The following CDH4 variants were observed in gnomAD, a reference collection of about 807,000 sequenced individuals.
CDH4 encodes cadherin-4.
In CDH4, 33 loss-of-function variants were observed where a neutral mutation model predicts 86.0. That is an observed-to-expected ratio of 0.38 (90% CI 0.29 to 0.51). The LOEUF is 0.51. Ranked by LOEUF, CDH4 falls within the 20% of genes least tolerant of loss-of-function variation. CDH4 has a pLI of 0.86. For missense variants in CDH4, 1,114 were observed against 1,307.4 expected (o/e 0.85, Z 2.28); for synonymous variants, 555 against 549.4 (o/e 1.01, Z -0.14).
intron 2 of CDH4, among the ~76,000 whole-genome samples, chr20:61,547,122 C>T (rs999565622): frequency 6.6e-6 from 1 of 151,612 alleles, no homozygotes; most frequent in Non-Finnish European, 1.5e-5. Context: ...TCACTGAGTC[C>T]ATCAAACTCC....
intron 6 of CDH4, among the ~76,000 whole-genome samples, chr20:61,863,571 C>T (rs1042354687): frequency 3.3e-5 from 5 of 152,110 alleles, no homozygotes; most frequent in African/African-American, 1.2e-4. Context: ...CTCTGTGGAA[C>T]GGAGCCCTGC....
rs370062506 is a variant in CDH4 at position 61,864,823 on chromosome 20, A to G, written c.878-8905A>G. Among the ~76,000 whole-genome samples the G allele has an allele frequency of 1.4e-4, 21 of 152,276 alleles. No homozygotes were observed. The South Asian group carries it at 3.7e-3, about 27-fold the overall frequency. ...CCTGGTGAGTTCGCTGGGGCCTCCC[A>G]GGGCAAGGCCAAGTGCAGCAGTTGT... On this transcript the variant is annotated intron_variant, in intron 6 of 15. Transcript: ENST00000614565.
chr20:61,505,909 C>T (rs2085737772), intron 2 of CDH4, among the ~76,000 whole-genome samples: 1 of 152,182 alleles, frequency 6.6e-6, no homozygotes. Flanking sequence ...TGGAAAATCT[C>T]TATTGATGTG....
At chr20:61,728,565 C>T (rs919315289) in intron 2 of CDH4, among the ~76,000 whole-genome samples, 1 of 152,108 alleles carries the variant, frequency 6.6e-6, no homozygotes, top group African/African-American at 2.4e-5. Context: ...GGTGGAACCT[C>T]GGGATACGGG....
Position 61,881,491 on chromosome 20 carries a change from G to A in CDH4, c.1050+7591G>A, listed in dbSNP as rs529748354. On this transcript the variant is annotated intron_variant, in intron 7 of 15. Coordinates refer to ENST00000614565, the MANE Select transcript of CDH4 (RefSeq NM_001794.5). ...CAACATGAACCGTGGCCAGGATTACGGCCCCACCTGGCAGCAGCGGCCAAG... is the reference window on the plus strand; with the variant it reads ...CAACATGAACCGTGGCCAGGATTACAGCCCCACCTGGCAGCAGCGGCCAAG... 1.6e-4 allele frequency among the ~76,000 whole-genome samples: 24 copies of A among 152,350 alleles called. No individual in the cohort carries two copies. In the South Asian group the frequency reaches 3.5e-3, roughly 22 times the overall value.
rs2088539339 is a variant in CDH4, at chr20:61,754,729, G to A, written c.396+10940G>A. ...CACACACACCGCACACACACTGCAC[G>A]CCCCGCACACACTATGCACACCACA... On this transcript the variant is annotated intron_variant, in intron 3 of 15. Coordinates refer to ENST00000614565, the MANE Select transcript of CDH4 (RefSeq NM_001794.5). This position sits in a 1 kb window ranked among gnomAD's most constrained non-coding sequence, Gnocchi z 4.7. Among the ~76,000 whole-genome samples the A allele has an allele frequency of 1.4e-5, 2 of 141,270 alleles. No individual in the cohort carries two copies. The highest frequency in any genetic ancestry group is 2.3e-4 in the South Asian group (1 of 4,296). The allele number at this position is 141,270 out of a possible 152,430, so 92.7% of individuals were successfully genotyped here. A position where few individuals can be genotyped will look rare whatever the true frequency, so the allele number is the denominator to read the frequency against.
At chr20:61,503,753 A>G (rs2085720845) in intron 2 of CDH4, among the ~76,000 whole-genome samples, 1 of 152,230 alleles carries the variant, frequency 6.6e-6, no homozygotes, top group South Asian at 2.1e-4. Flanking sequence ...ATAACTAATG[A>G]TATAAATTAC....
At position 61,703,179 on chromosome 20, in the gene CDH4, C is replaced by T. The variant is rs902322263; in HGVS notation, c.170-40384C>T. On this transcript the variant is annotated intron_variant, in intron 2 of 15. Coordinates refer to ENST00000614565, the MANE Select transcript of CDH4 (RefSeq NM_001794.5). This position sits in a 1 kb window ranked among gnomAD's most constrained non-coding sequence, Gnocchi z 4.3. Reference sequence around the variant, plus strand: ...GTGATCAGAAGTGGGGGCTCTTGGACGAGCTCAGAACACACAGGCCTTGGG... The same window carrying T: ...GTGATCAGAAGTGGGGGCTCTTGGATGAGCTCAGAACACACAGGCCTTGGG... 2.0e-5 allele frequency among the ~76,000 whole-genome samples: 3 copies of T among 152,156 alleles called. No homozygotes were observed. Among genetic ancestry groups the T allele is most frequent in the Admixed American group, 1.3e-4 (2 of 15,274 alleles).
At chr20:61,456,679 T>C (rs1230787577) in intron 2 of CDH4, among the ~76,000 whole-genome samples, 3 of 152,200 alleles carry the variant, frequency 2.0e-5, no homozygotes, top group African/African-American at 7.2e-5. Flanking sequence ...TGTAGAAAGA[T>C]CTTGTGCACC....
chr20:61,700,143 C>T (rs2087759741), intron 2 of CDH4, among the ~76,000 whole-genome samples: 1 of 152,176 alleles, frequency 6.6e-6, no homozygotes, highest in African/African-American at 2.4e-5. Context: ...GTGGAATGCG[C>T]CATGTCCTGT....
chr20:61,710,632 C>T (rs749121058), intron 2 of CDH4, among the ~76,000 whole-genome samples: 56 of 152,216 alleles, frequency 3.7e-4, no homozygotes, highest in Non-Finnish European at 6.3e-4. Flanking sequence ...TCCAGAAGAG[C>T]TGGAGGGCCC....
At chr20:61,291,633 A>C (rs2084321350) in intron 2 of CDH4, among the ~76,000 whole-genome samples, 1 of 152,266 alleles carries the variant, frequency 6.6e-6, no homozygotes. Context: ...GCAGTGTGCC[A>C]CAAGGCCAAA....
At chr20:61,855,746 G>C (rs528454636) in intron 6 of CDH4, among the ~76,000 whole-genome samples, 2 of 152,240 alleles carry the variant, frequency 1.3e-5, no homozygotes, top group East Asian at 3.8e-4. Context: ...TGGAGAGCCC[G>C]GCTGCCCGGC....
chr20:61,857,151 G>A (rs1167026548), intron 6 of CDH4, among the ~76,000 whole-genome samples: 1 of 152,392 alleles, frequency 6.6e-6, no homozygotes, highest in East Asian at 1.9e-4. Flanking sequence ...CCCCGGGGCA[G>A]AGGGTGACAG....
intron 2 of CDH4, among the ~76,000 whole-genome samples, chr20:61,706,902 G>A (rs76591914): frequency 6.6e-6 from 1 of 152,224 alleles, no homozygotes; most frequent in East Asian, 1.9e-4. Context: ...CCCCGCAGAG[G>A]GCTGAAGAGA....
At chr20:61,418,750 A>T (rs1304948623) in intron 2 of CDH4, among the ~76,000 whole-genome samples, 1 of 152,134 alleles carries the variant, frequency 6.6e-6, no homozygotes, top group Non-Finnish European at 1.5e-5. Context: ...GGAGGTATGG[A>T]CAGGGCTGGT....
chr20:61,816,596 C>T (rs1980722534), intron 4 of CDH4, among the ~76,000 whole-genome samples: 1 of 152,062 alleles, frequency 6.6e-6, no homozygotes, highest in Admixed American at 6.5e-5. Context: ...TGTTTCCTGC[C>T]ATGGGTGAGT....
chr20:61,471,704 T>C (rs1680886536), intron 2 of CDH4, among the ~76,000 whole-genome samples: 1 of 152,056 alleles, frequency 6.6e-6, no homozygotes, highest in Non-Finnish European at 1.5e-5. Context: ...TTGCCATGTT[T>C]TGTTTCCATT....
At chr20:61,385,907 T>A (rs1388260605) in intron 2 of CDH4, among the ~76,000 whole-genome samples, 2 of 152,222 alleles carry the variant, frequency 1.3e-5, no homozygotes, top group African/African-American at 4.8e-5. Flanking sequence ...AGATTGCAGC[T>A]GCGGTTCATG....
Sources: gnomAD v4.1 joint callset for allele counts (sites outside exome capture counted in the v4.1 genomes callset) on GRCh38, gnomAD v4.1.1 for gene constraint, Gnocchi (gnomAD v3.1) non-coding constraint, MANE v1.5 for transcripts, NCBI Gene and HGNC (gene_info 2026-07-23, HGNC 2026-07-21) for gene names.